The following C3orf52 variants were observed in gnomAD, a reference collection of about 807,000 sequenced individuals.
The protein encoded by C3orf52 is chromosome 3 open reading frame 52.
Under a neutral mutation model 24.8 loss-of-function variants are expected in C3orf52, and 22 were observed. The ratio of observed to expected loss-of-function variants is 0.89; its 90% CI spans 0.63 to 1.27. The LOEUF is 1.27. C3orf52 is among the 50% of genes most tolerant of loss of function. C3orf52 has a pLI of 0.00. For synonymous variants in C3orf52, 93 were observed against 100.2 expected (o/e 0.93, Z 0.43); for missense variants, 265 against 260.7 (o/e 1.02, Z -0.11).
downstream of C3orf52, among the ~76,000 whole-genome samples, chr3:112,135,557 C>T (rs781412165): frequency 2.0e-5 from 3 of 151,928 alleles, no homozygotes; most frequent in Non-Finnish European, 4.4e-5. Context: ...TCCAGGAGCA[C>T]CTTATTAAAA....
chr3:112,102,988 C>G (rs775343079), intron 3 of C3orf52, 23 bp downstream of exon 3: 3 of 1,608,072 alleles, frequency 1.9e-6, no homozygotes, highest in South Asian at 2.2e-5. Context: ...TATATATTGC[C>G]TAAGGAGTTC....
chr3:112,092,522 G>A (rs1352457910), intron 1 of C3orf52, among the ~76,000 whole-genome samples: 1 of 152,210 alleles, frequency 6.6e-6, no homozygotes, highest in Admixed American at 6.5e-5. Context: ...GGACAAAAGG[G>A]AAAGTTGGAG....
intron 2 of C3orf52, among the ~76,000 whole-genome samples, chr3:112,097,012 A>G (rs1394125423): frequency 6.6e-6 from 1 of 152,192 alleles, no homozygotes; most frequent in Non-Finnish European, 1.5e-5. Flanking sequence ...TTTAATGTCC[A>G]TTTTTATGAG....
chr3:112,088,106 C>T (rs773885271), intron 1 of C3orf52, among the ~76,000 whole-genome samples: 3 of 152,168 alleles, frequency 2.0e-5, no homozygotes, highest in African/African-American at 7.2e-5. Context: ...TACAGATACC[C>T]TGGACTTCTT....
In C3orf52 at chr3:112,127,342, T is replaced by A. The variant is rs182478525; in HGVS notation, c.*47-891T>A. Among the ~76,000 whole-genome samples the A allele has an allele frequency of 2.0e-5, 3 of 152,308 alleles. No homozygotes were observed. In the East Asian group the frequency reaches 5.8e-4, roughly 29 times the overall value. On this transcript the variant is annotated intron_variant, in intron 4 of 4. Coordinates refer to the C3orf52 transcript ENST00000480282. Reference sequence around the variant, plus strand: ...TTTGGAGACTTTTTTTCTGACAAAGTATCAATTTCTTTTCTATCATGTGAG... The same window carrying A: ...TTTGGAGACTTTTTTTCTGACAAAGAATCAATTTCTTTTCTATCATGTGAG...
intron 2 of C3orf52, among the ~76,000 whole-genome samples, chr3:112,100,007 G>T (rs2073957708): frequency 6.6e-6 from 1 of 152,230 alleles, no homozygotes; most frequent in South Asian, 2.1e-4. Flanking sequence ...TTCAGACTGA[G>T]TCTGGCTGCC....
chr3:112,086,434 A>G lies in C3orf52; in HGVS notation c.27A>G (p.Pro9=). ...TGGACCTGGCCCAACCCTCACAGCC[A>G]GTAGACGAGCTGGAGCTCTCGGTGC... MDLAQPSQ[P]VDELELSVLE... Residue 9 remains proline (P), a synonymous_variant, in exon 1 of 6, where the codon CCA becomes CCG. Coordinates refer to ENST00000264848, the MANE Select transcript of C3orf52 (RefSeq NM_024616.3). The G allele has an allele frequency of 2.6e-6, 4 of 1,550,862 alleles. No individual in the cohort carries two copies. The highest frequency in any genetic ancestry group is 3.5e-6 in the Non-Finnish European group (4 of 1,146,566).
intron 3 of C3orf52, among the ~76,000 whole-genome samples, chr3:112,105,009 T>G (rs2074010523): frequency 6.6e-6 from 1 of 152,234 alleles, no homozygotes; most frequent in African/African-American, 2.4e-5. Flanking sequence ...CATAGTAGAC[T>G]GTCTATTTCA....
chr3:112,102,638 A>T (rs2073983848), intron 2 of C3orf52, among the ~76,000 whole-genome samples, 200 bp from the exon 3 acceptor site: 1 of 152,148 alleles, frequency 6.6e-6, no homozygotes, highest in African/African-American at 2.4e-5. Flanking sequence ...TTTTATTTTG[A>T]TAGAGGCAAA....
At chr3:112,114,709 GA>G (rs944217577) in intron 5 of C3orf52, among the ~76,000 whole-genome samples, 18 of 150,996 alleles carry the variant, frequency 1.2e-4, no homozygotes, top group Admixed American at 4.0e-4. Flanking sequence ...CATTTCAAAA[GA>G]AAAAAAAACC....
At chr3:112,114,758 C>T (rs552330575) in intron 5 of C3orf52, among the ~76,000 whole-genome samples, 3 of 152,244 alleles carry the variant, frequency 2.0e-5, no homozygotes, top group Non-Finnish European at 4.4e-5. Flanking sequence ...AAGAGGCCTG[C>T]GATGCCTGTG....
intron 4 of C3orf52, 95 bp downstream of exon 4, chr3:112,109,708 C>T: frequency 2.7e-6 from 2 of 749,092 alleles, no homozygotes; most frequent in Non-Finnish European, 4.6e-6. Context: ...ATTCCCAGAG[C>T]CTCAGAGCAT....
At position 112,117,179 on chromosome 3, in the gene C3orf52, A is replaced by C; in HGVS notation, c.*533A>C. The C allele has an allele frequency of 1.8e-6, 1 of 553,838 alleles. No homozygotes were observed. Among genetic ancestry groups the C allele is most frequent in the Non-Finnish European group, 3.2e-6 (1 of 313,042 alleles). The allele number at this position is 553,838 out of a possible 1,614,324, so 34.3% of individuals were successfully genotyped here. ...CGAAGACTAAGCCAATTATTCACTG[A>C]AGTCATCCTCCTCCCCCCCACCATT... On this transcript the variant is annotated 3_prime_UTR_variant, in exon 6 of 6. Transcript: ENST00000264848.
rs55992226 is a variant in C3orf52, at chr3:112,115,439, A to T, written c.650-1203A>T. Reference sequence around the variant, plus strand: ...TGCTCATGAGCTGTGGGCTTGGGGGATTACCATCCCCGCCCTGTGATTACC... The same window carrying T: ...TGCTCATGAGCTGTGGGCTTGGGGGTTTACCATCCCCGCCCTGTGATTACC... On this transcript the variant is annotated intron_variant, in intron 5 of 5. Transcript: ENST00000264848. Among the ~76,000 whole-genome samples the T allele has an allele frequency of 2.0e-3, 311 of 151,970 alleles. 1 individual carries two copies. The highest frequency in any genetic ancestry group is 0.01 in the Middle Eastern group (3 of 294).
At chr3:112,112,876 T>TAAAA (rs76778672) in intron 4 of C3orf52, 88 bp from the exon 5 acceptor site, 32,224 of 944,584 alleles carry the variant, frequency 0.034, 410 homozygotes, top group African/African-American at 0.11. Flanking sequence ...CATGCAAAAC[T>TAAAA]AAAAAAAAAA....
chr3:112,112,273 A>G (rs1194885428), intron 4 of C3orf52: 1 of 152,348 alleles, frequency 6.6e-6, no homozygotes, highest in Non-Finnish European at 1.5e-5. Flanking sequence ...TGTTCTAGGA[A>G]GATGAAAATT....
At chr3:112,097,739 T>A (rs141768942) in intron 2 of C3orf52, among the ~76,000 whole-genome samples, 1 of 152,322 alleles carries the variant, frequency 6.6e-6, no homozygotes, top group East Asian at 1.9e-4. Flanking sequence ...CATTTTCACC[T>A]GTTTATCTTT....
intron 4 of C3orf52, among the ~76,000 whole-genome samples, chr3:112,110,006 A>G (rs1261524178): frequency 6.6e-6 from 1 of 152,240 alleles, no homozygotes; most frequent in East Asian, 1.9e-4. Flanking sequence ...CAAGTAATAC[A>G]GGAGTACATT....
chr3:112,117,212 A>C lies in C3orf52; in HGVS notation c.*566A>C. On this transcript the variant is annotated 3_prime_UTR_variant, in exon 6 of 6. Transcript: ENST00000264848. Reference sequence around the variant, plus strand: ...CTCCTCCCCCCCACCATTCGATTTGATCTACCTCTAAGCCAGGCTGTGAAG... The same window carrying C: ...CTCCTCCCCCCCACCATTCGATTTGCTCTACCTCTAAGCCAGGCTGTGAAG... The C allele has an allele frequency of 1.9e-6, 1 of 527,300 alleles. No homozygotes were observed. Among genetic ancestry groups the C allele is most frequent in the Non-Finnish European group, 3.4e-6 (1 of 297,904 alleles). 32.7% of individuals were successfully genotyped at this position (527,300 alleles called of 1,614,324 possible).
Sources: allele counts gnomAD v4.1 joint callset (sites outside exome capture counted in the v4.1 genomes callset), GRCh38; gene constraint gnomAD v4.1.1; transcripts MANE v1.5; gene names NCBI Gene and HGNC (gene_info 2026-07-23, HGNC 2026-07-21).